DENND1A: variants seen among roughly 807,000 people sequenced by gnomAD.
DENND1A encodes the protein DENN domain containing 1A, also known as DENN domain-containing protein 1A.
Under a neutral mutation model 113.7 loss-of-function variants are expected in DENND1A, and 51 were observed. That is an observed-to-expected ratio of 0.45 (90% CI 0.36 to 0.57). The LOEUF (loss-of-function observed/expected upper bound fraction) is 0.57. Among genes scored for constraint, DENND1A ranks in the 20% least tolerant of loss-of-function variants. The probability of loss-of-function intolerance (pLI) is 0.00; values close to 1 mark genes in which losing one functional copy is unlikely to be tolerated. For synonymous variants in DENND1A, 565 were observed against 570.8 expected, an observed-to-expected ratio of 0.99 and a Z score of 0.14; for missense variants, 1,258 against 1,395.9, an observed-to-expected ratio of 0.90 and a Z score of 1.57.
chr9:123,637,953 GCACA>G (rs10539798), intron 9 of DENND1A, among the ~76,000 whole-genome samples: 88 of 147,688 alleles, frequency 6.0e-4, no homozygotes, highest in East Asian at 1.6e-3. Flanking sequence ...ACACACACGC[GCACA>G]CACACACACA....
At chr9:123,848,288 G>T (rs568917161) in intron 2 of DENND1A, among the ~76,000 whole-genome samples, 84 of 132,190 alleles carry the variant, frequency 6.4e-4, no homozygotes, top group African/African-American at 2.3e-3. Flanking sequence ...ACCCTGGATA[G>T]AGCAAGTCAT....
intron 1 of DENND1A, among the ~76,000 whole-genome samples, chr9:123,922,646 A>G (rs953150304): frequency 3.1e-4 from 47 of 152,154 alleles, no homozygotes; most frequent in Admixed American, 6.5e-4. Flanking sequence ...TACTTCATCA[A>G]CTTCCTCTCC....
chr9:123,710,265 T>A (rs2066490441), intron 5 of DENND1A, among the ~76,000 whole-genome samples: 1 of 152,230 alleles, frequency 6.6e-6, no homozygotes, highest in Admixed American at 6.5e-5. Context: ...GGTATTGTGA[T>A]ATAAGGGCTT....
In DENND1A at chr9:123,764,282, T is replaced by C. The variant is rs530174324; in HGVS notation, c.182+5232A>G. Among the ~76,000 whole-genome samples, 4 of 152,290 alleles carry C rather than the reference T, an allele frequency of 2.6e-5. No homozygotes were observed. Among genetic ancestry groups the C allele is most frequent in the African/African-American group, 9.6e-5 (4 of 41,556 alleles). On this transcript the variant is annotated intron_variant, in intron 4 of 23. Transcript: ENST00000394215. This position sits in a 1 kb window ranked among gnomAD's most constrained non-coding sequence, Gnocchi z 4.1. ...TTATGCAATTATAAAATTCAAGAGA[T>C]AGAACTGAAGCATTTTGTCCCCCTC...
chr9:123,410,117 A>C (rs548827734), intron 20 of DENND1A, among the ~76,000 whole-genome samples: 3 of 151,954 alleles, frequency 2.0e-5, no homozygotes, highest in South Asian at 2.1e-4. Context: ...ACAAAAAAAA[A>C]CTCTTACTGT....
intron 2 of DENND1A, among the ~76,000 whole-genome samples, chr9:123,868,909 A>G (rs1846144305): frequency 6.6e-6 from 1 of 152,258 alleles, no homozygotes; most frequent in Admixed American, 6.5e-5. Flanking sequence ...TCACCATAGT[A>G]TATAAAAAGC....
At chr9:123,388,526 G>A (rs1451600491) in intron 21 of DENND1A, among the ~76,000 whole-genome samples, 7 of 152,202 alleles carry the variant, frequency 4.6e-5, no homozygotes, top group Admixed American at 3.3e-4. Context: ...AAGAGCTCTC[G>A]CGAGAAGGCC....
intron 5 of DENND1A, among the ~76,000 whole-genome samples, chr9:123,680,203 AC>A (rs2064353798): frequency 6.6e-6 from 1 of 152,204 alleles, no homozygotes; most frequent in Admixed American, 6.5e-5. Flanking sequence ...CTCCCCAGGC[AC>A]CTGCCTGGAT....
chr9:123,864,356 G>C (rs1357670873), intron 2 of DENND1A, among the ~76,000 whole-genome samples: 2 of 152,210 alleles, frequency 1.3e-5, no homozygotes, highest in African/African-American at 2.4e-5. Flanking sequence ...GCTTCTGCTA[G>C]AGGAGAGGGT....
chr9:123,557,109 C>T (rs1302919403), intron 13 of DENND1A, among the ~76,000 whole-genome samples: 4 of 152,204 alleles, frequency 2.6e-5, no homozygotes, highest in African/African-American at 7.2e-5. Flanking sequence ...GGAGCGGTCC[C>T]GTGAAAGAAC....
chr9:123,778,447 G>C (rs1232123472), intron 3 of DENND1A, among the ~76,000 whole-genome samples: 1 of 152,154 alleles, frequency 6.6e-6, no homozygotes, highest in East Asian at 1.9e-4. Flanking sequence ...GATTCAACAG[G>C]TAAGTCACTC....
chr9:123,849,626 AG>A (rs1843061128), intron 2 of DENND1A, among the ~76,000 whole-genome samples: 1 of 152,242 alleles, frequency 6.6e-6, no homozygotes, highest in African/African-American at 2.4e-5. Flanking sequence ...CCCTGGATCA[AG>A]GAGTAATTTT....
At chr9:123,472,658 C>A (rs2049528606) in intron 13 of DENND1A, among the ~76,000 whole-genome samples, 1 of 152,158 alleles carries the variant, frequency 6.6e-6, no homozygotes, top group South Asian at 2.1e-4. Context: ...CTCAGGCAGC[C>A]ACTGAGTTGC....
At chr9:123,919,996 T>C (rs1454861782) in intron 1 of DENND1A, among the ~76,000 whole-genome samples, 2 of 151,646 alleles carry the variant, frequency 1.3e-5, no homozygotes, top group African/African-American at 2.4e-5. Context: ...TAAATAAAAC[T>C]AGGTAAAACA....
chr9:123,493,736 A>C (rs1265331891), intron 13 of DENND1A, among the ~76,000 whole-genome samples: 4 of 152,134 alleles, frequency 2.6e-5, no homozygotes, highest in Non-Finnish European at 5.9e-5. Context: ...TAGCCCGAGA[A>C]GCCCAGCTGC....
intron 13 of DENND1A, among the ~76,000 whole-genome samples, chr9:123,512,065 C>T (rs1264762979): frequency 1.3e-5 from 2 of 152,168 alleles, no homozygotes; most frequent in East Asian, 1.9e-4. Context: ...AAACTAAAAG[C>T]TCCAAACAAG....
intron 5 of DENND1A, among the ~76,000 whole-genome samples, chr9:123,731,815 G>A (rs1202320934): frequency 6.6e-6 from 1 of 152,120 alleles, no homozygotes; most frequent in Non-Finnish European, 1.5e-5. Context: ...TATGTGATTT[G>A]CAAATCATAT....
chr9:123,476,956 A>G (rs1041048345), intron 13 of DENND1A, among the ~76,000 whole-genome samples: 1 of 152,118 alleles, frequency 6.6e-6, no homozygotes, highest in Non-Finnish European at 1.5e-5. Context: ...TGCATCCCCA[A>G]TGCCCCAGAT....
At chr9:123,859,831 A>T (rs961189071) in intron 2 of DENND1A, among the ~76,000 whole-genome samples, 2 of 152,186 alleles carry the variant, frequency 1.3e-5, no homozygotes, top group Non-Finnish European at 2.9e-5. Context: ...GGAAATGCAT[A>T]TTTAAAAGGA....
Sources: allele counts gnomAD v4.1 joint callset (sites outside exome capture counted in the v4.1 genomes callset), GRCh38; gene constraint gnomAD v4.1.1; non-coding constraint Gnocchi (gnomAD v3.1); transcripts MANE v1.5; gene names NCBI Gene and HGNC (gene_info 2026-07-23, HGNC 2026-07-21).